Variants in WASHC5 observed in about 807,000 individuals in gnomAD.
The protein encoded by WASHC5 is WASH complex subunit strumpellin.
Under a neutral mutation model 150.4 loss-of-function variants are expected in WASHC5, and 101 were observed. The observed-to-expected ratio is 0.67, with a 90% CI of 0.57 to 0.79. WASHC5 has a LOEUF of 0.79. WASHC5 is among the 30% of genes least tolerant of loss of function. The pLI, the probability that WASHC5 is intolerant of heterozygous loss-of-function variation, is 0.00. For missense variants in WASHC5, 1,195 were observed against 1,396.3 expected (o/e 0.86, Z 2.30); for synonymous variants, 467 against 491.2 (o/e 0.95, Z 0.65).
chr8:125,037,582 T>A lies in WASHC5; in HGVS notation c.3085-249A>T, dbSNP rs144368680. 2.6e-5 allele frequency among the ~76,000 whole-genome samples: 4 copies of A among 152,304 alleles called. No homozygotes were observed. The East Asian group carries it at 7.7e-4, about 29-fold the overall frequency. Reference sequence around the variant, plus strand: ...ATTTTGCTTAGAAAGACTTTTCCCCTGAATCCTGTTAATGTCATTAATAAA... The same window carrying A: ...ATTTTGCTTAGAAAGACTTTTCCCCAGAATCCTGTTAATGTCATTAATAAA... On this transcript the variant is annotated intron_variant, in intron 25 of 28. Coordinates refer to ENST00000318410, the MANE Select transcript of WASHC5 (RefSeq NM_014846.4).
chr8:125,069,785 G>T (rs1405632928), intron 9 of WASHC5, among the ~76,000 whole-genome samples: 1 of 152,138 alleles, frequency 6.6e-6, no homozygotes, highest in Non-Finnish European at 1.5e-5. Context: ...TACACAAAGT[G>T]AAAATTTTCA....
chr8:125,035,403 G>A (rs1341043080), intron 26 of WASHC5, among the ~76,000 whole-genome samples: 2 of 152,154 alleles, frequency 1.3e-5, no homozygotes, highest in Non-Finnish European at 2.9e-5. Flanking sequence ...GGTTCTTTCT[G>A]CACTGACAGT....
At chr8:125,055,741 A>G in intron 16 of WASHC5, 70 bp from the exon 17 acceptor site, 1 of 976,930 alleles carries the variant, frequency 1.0e-6, no homozygotes, top group Non-Finnish European at 1.7e-6. Flanking sequence ...GATAACAGGA[A>G]AAGAACTTGT....
chr8:125,077,482 G>C (rs1248606393), intron 6 of WASHC5, among the ~76,000 whole-genome samples: 1 of 152,190 alleles, frequency 6.6e-6, no homozygotes, highest in Non-Finnish European at 1.5e-5. Context: ...ACCAGGGATG[G>C]GGGAGGTGCA....
Position 125,078,824 on chromosome 8 carries a change from CG to C in WASHC5, c.624del (p.Glu209ArgfsTer21). ...QPGAKRPSNY[P>X]ESYFQRVPIN... The stretch of plus-strand genomic sequence containing the variant: ...ATAGGCACTCTCTGGAAATAGCTCT[CG>C]GGATAGTTGGATGGTCTTTTGGCAC... On this transcript the variant is annotated frameshift_variant, in exon 6 of 29. Coordinates refer to ENST00000318410, the MANE Select transcript of WASHC5 (RefSeq NM_014846.4). LOFTEE classifies it high-confidence loss of function. 1 of 1,613,916 alleles carries C rather than the reference CG, an allele frequency of 6.2e-7. No homozygotes were observed. The highest frequency in any genetic ancestry group is 8.5e-7 in the Non-Finnish European group (1 of 1,179,906).
At chr8:125,075,239 T>C (rs1817017572) in intron 7 of WASHC5, 128 bp from the exon 8 acceptor site, 2 of 701,912 alleles carry the variant, frequency 2.8e-6, no homozygotes, top group Admixed American at 4.1e-5. Flanking sequence ...AACCAAGATT[T>C]TCCAAATATA....
intron 17 of WASHC5, among the ~76,000 whole-genome samples, chr8:125,052,944 C>G (rs1816287037): frequency 6.6e-6 from 1 of 152,172 alleles, no homozygotes; most frequent in Non-Finnish European, 1.5e-5. Context: ...AGAACACTTA[C>G]ATTAGCCTAC....
At chr8:125,063,453 A>C in intron 11 of WASHC5, 69 bp downstream of exon 11, 3 of 1,525,314 alleles carry the variant, frequency 2.0e-6, no homozygotes, top group Non-Finnish European at 2.7e-6. Flanking sequence ...TTAACCTGCC[A>C]GTTTCCAAGG....
At chr8:125,060,583 T>C (rs551531963) in intron 12 of WASHC5, among the ~76,000 whole-genome samples, 159 of 152,258 alleles carry the variant, frequency 1.0e-3, no homozygotes, top group African/African-American at 3.7e-3. Flanking sequence ...AGTGGTGAGG[T>C]ATAATTTTTT....
Position 125,083,102 on chromosome 8 carries a change from T to C in WASHC5, c.332+11A>G, listed in dbSNP as rs755037747. 17 of 1,466,826 alleles carry C rather than the reference T, an allele frequency of 1.2e-5. No individual in the cohort carries two copies. Among genetic ancestry groups the C allele is most frequent in the Middle Eastern group, 3.5e-4 (2 of 5,706 alleles). 90.9% of individuals were successfully genotyped at this position (1,466,826 alleles called of 1,614,324 possible). A position where few individuals can be genotyped will look rare whatever the true frequency, so the allele number is the denominator to read the frequency against. On this transcript the variant is annotated intron_variant, in intron 3 of 28. Coordinates refer to ENST00000318410, the MANE Select transcript of WASHC5 (RefSeq NM_014846.4). ...ACTACCAGAATAAGCTATTCCTAAA[T>C]AGATCAATACCTGTTTAAGTCTACA...
chr8:125,043,787 G>A (rs1815965133), intron 23 of WASHC5, 38 bp downstream of exon 23: 1 of 1,396,040 alleles, frequency 7.2e-7, no homozygotes. Context: ...ATTTAAAAAT[G>A]TAAGTATTGA....
intron 18 of WASHC5, 80 bp downstream of exon 18, chr8:125,050,484 C>T (rs1816206686): frequency 5.3e-6 from 5 of 934,974 alleles, no homozygotes; most frequent in South Asian, 1.3e-5. Context: ...GTCTTGTTCG[C>T]GATAGGTTAA....
chr8:125,081,743 A>T lies in WASHC5; in HGVS notation c.436T>A (p.Tyr146Asn), dbSNP rs758373492. ...KQLLCEALYL[Y>N]GVMLLVIDQK... The stretch of plus-strand genomic sequence containing the variant: ...TCAATGACCAGTAGCATAACTCCAT[A>T]TAAGTACAGTGCTTCACACTAAGAA... The change falls in exon 5 of 29, where the codon TAT becomes AAT. Residue 146 changes from tyrosine (Y) to asparagine (N), a missense_variant. Physicochemically the swap from Tyr to Asn is moderately radical, Grantham distance 143. Transcript: ENST00000318410. 1 of 1,608,464 alleles carries T rather than the reference A, an allele frequency of 6.2e-7. No individual in the cohort carries two copies. Among genetic ancestry groups the T allele is most frequent in the Non-Finnish European group, 8.5e-7 (1 of 1,174,978 alleles).
At chr8:125,029,028 CACT>C (rs1815450766) in intron 27 of WASHC5, among the ~76,000 whole-genome samples, 1 of 132,932 alleles carries the variant, frequency 7.5e-6, no homozygotes, top group Admixed American at 7.8e-5. Context: ...CATCCCTGCA[CACT>C]TTTTTTTTTT....
intron 7 of WASHC5, 25 bp downstream of exon 7, chr8:125,076,323 G>C (rs1817058456): frequency 5.0e-6 from 8 of 1,609,886 alleles, no homozygotes; most frequent in Non-Finnish European, 6.8e-6. Context: ...ATTTACTGTA[G>C]AGGAAAAAAA....
chr8:125,057,361 C>T (rs1020379472), intron 15 of WASHC5, among the ~76,000 whole-genome samples, 195 bp downstream of exon 15: 12 of 152,144 alleles, frequency 7.9e-5, no homozygotes, highest in African/African-American at 2.9e-4. Context: ...ATAAAAGTTC[C>T]TGGCAAGTAA....
intron 9 of WASHC5, among the ~76,000 whole-genome samples, chr8:125,068,859 C>T (rs1230959722): frequency 6.6e-6 from 1 of 152,248 alleles, no homozygotes; most frequent in African/African-American, 2.4e-5. Context: ...ATGATCCTAT[C>T]TGCCAAGCTA....
At chr8:125,081,383 G>A (rs766658087) in intron 5 of WASHC5, among the ~76,000 whole-genome samples, 2 of 151,784 alleles carry the variant, frequency 1.3e-5, no homozygotes, top group African/African-American at 2.4e-5. Flanking sequence ...AATTACAGGC[G>A]CCCACCACCG....
chr8:125,030,618 A>G (rs1335556509), intron 27 of WASHC5, among the ~76,000 whole-genome samples: 2 of 142,650 alleles, frequency 1.4e-5, no homozygotes, highest in African/African-American at 5.2e-5. Context: ...AACCTGGGCG[A>G]CAGAGCGACT....
Sources: allele counts gnomAD v4.1 joint callset (sites outside exome capture counted in the v4.1 genomes callset), GRCh38; gene constraint gnomAD v4.1.1; transcripts MANE v1.5; gene names NCBI Gene and HGNC (gene_info 2026-07-23, HGNC 2026-07-21).